Variants in ANK2 observed in about 807,000 individuals in gnomAD.
The protein encoded by ANK2 is ankyrin 2, also known as ankyrin-2.
Under a neutral mutation model 360.5 loss-of-function variants are expected in ANK2, and 83 were observed. The observed-to-expected ratio is 0.23, with a 90% confidence interval of 0.19 to 0.28. The LOEUF is 0.28. Among genes scored for constraint, ANK2 ranks in the 10% least tolerant of loss-of-function variants. The pLI is 1.00. For synonymous variants in ANK2, 1,740 were observed against 1,759.5 expected (o/e 0.99, Z 0.28); for missense variants, 4,201 against 4,795.7 (o/e 0.88, Z 3.66).
Position 113,354,083 on chromosome 4 carries a change from C to G in ANK2, c.5465C>G (p.Ser1822Cys). Residue 1822 changes from serine (S) to cysteine (C), a missense_variant, in exon 38 of 46, where the codon TCT becomes TGT. Ser to Cys is a moderately radical substitution (Grantham distance 112). This residue lies in a region of ANK2 where 2,642 missense variants were observed against 2,714.5 expected (regional missense o/e 0.97). Transcript: ENST00000357077. ...SLKSERHAPG[S>C]PSPKTERHST... Reference sequence around the variant, plus strand: ...AAGTCAGAGAGACATGCGCCAGGGTCTCCCTCCCCTAAAACAGAAAGACAC... The same window carrying G: ...AAGTCAGAGAGACATGCGCCAGGGTGTCCCTCCCCTAAAACAGAAAGACAC... 1.9e-6 allele frequency: 3 copies of G among 1,614,048 alleles called. No homozygotes were observed. The highest frequency in any genetic ancestry group is 8.5e-7 in the Non-Finnish European group (1 of 1,179,994).
At chr4:113,012,262 C>A (rs778654069) in intron 2 of ANK2, among the ~76,000 whole-genome samples, 1 of 152,134 alleles carries the variant, frequency 6.6e-6, no homozygotes, top group African/African-American at 2.4e-5. Context: ...ATTACAGAAC[C>A]ATGGGCCATG....
Position 113,355,873 on chromosome 4 carries a change from G to A in ANK2, c.7255G>A (p.Glu2419Lys), listed in dbSNP as rs752704424. The change falls in exon 38 of 46, where the codon GAA becomes AAA. Residue 2419 changes from glutamate to lysine, a missense_variant. Physicochemically the swap from Glu to Lys is moderately conservative, Grantham distance 56 (BLOSUM62 1). Transcript: ENST00000357077. ...LELALPSRDS[E>K]VLSAVADDSL... ...ACTTGCACTCCCTAGCCGAGATAGC[G>A]AAGTCCTCAGCGCTGTGGCTGATGA... 7.4e-6 allele frequency: 12 copies of A among 1,614,078 alleles called. No individual in the cohort carries two copies. Among genetic ancestry groups the A allele is most frequent in the South Asian group, 6.6e-5 (6 of 91,072 alleles).
chr4:113,132,665 A>G (rs891680973), intron 1 of ANK2, among the ~76,000 whole-genome samples: 10 of 152,154 alleles, frequency 6.6e-5, no homozygotes, highest in Non-Finnish European at 1.5e-4. Flanking sequence ...GAACTGATCT[A>G]GAGTAGATCA....
At chr4:112,767,965 A>C in the ANK2 span, among the ~76,000 whole-genome samples, 1 of 152,272 alleles carries the variant, frequency 6.6e-6, no homozygotes, top group Middle Eastern at 3.4e-3. Context: ...GAGGAAGAAG[A>C]GAGTATGGCT....
In ANK2 at chr4:113,356,237, C is replaced by G; in HGVS notation, c.7619C>G (p.Thr2540Ser). 6.2e-7 allele frequency: 1 copy of G among 1,613,924 alleles called. No individual in the cohort carries two copies. Among genetic ancestry groups the G allele is most frequent in the Non-Finnish European group, 8.5e-7 (1 of 1,179,958 alleles). ...SSGKSPLSPD[T>S]PSSEEVSYEV... ...GGGAAGAGCCCCCTTTCTCCTGACA[C>G]CCCCAGCTCTGAAGAAGTCAGCTAT... Residue 2540 changes from threonine to serine, a missense_variant, in exon 38 of 46, where the codon ACC becomes AGC. Physicochemically the swap from Thr to Ser is moderately conservative, Grantham distance 58. Transcript: ENST00000357077.
intron 4 of ANK2, among the ~76,000 whole-genome samples, chr4:113,203,853 A>G (rs2098897668): frequency 6.6e-6 from 1 of 152,154 alleles, no homozygotes. Context: ...ACAGACCTCA[A>G]AGAATAATTT....
chr4:112,749,433 C>T, the ANK2 span, among the ~76,000 whole-genome samples: 2 of 152,150 alleles, frequency 1.3e-5, no homozygotes, highest in Non-Finnish European at 2.9e-5. Context: ...ATATTAATGG[C>T]AATCACTTGT....
chr4:112,833,543 C>G (rs1298717317), intron 1 of ANK2, among the ~76,000 whole-genome samples: 4 of 148,242 alleles, frequency 2.7e-5, no homozygotes, highest in Middle Eastern at 3.3e-3. Flanking sequence ...TCGCTCTGTC[C>G]CCCAGGCTGG....
chr4:113,340,530 C>T (rs1196618159), intron 32 of ANK2, among the ~76,000 whole-genome samples: 6 of 151,904 alleles, frequency 3.9e-5, no homozygotes, highest in Non-Finnish European at 1.5e-5. Flanking sequence ...CTGTCTCTCA[C>T]AAAAAAGATA....
intron 2 of ANK2, among the ~76,000 whole-genome samples, chr4:112,950,730 A>G (rs1404727491): frequency 6.6e-6 from 1 of 151,912 alleles, no homozygotes; most frequent in Non-Finnish European, 1.5e-5. Flanking sequence ...TCATTCTTGG[A>G]GGTAAAAATT....
chr4:113,200,141 A>G (rs1166963817), intron 4 of ANK2, among the ~76,000 whole-genome samples: 1 of 152,092 alleles, frequency 6.6e-6, no homozygotes, highest in Non-Finnish European at 1.5e-5. Flanking sequence ...TTTTTTCCTT[A>G]CAACTCAAAC....
chr4:113,333,270 C>A (rs1563833509), intron 29 of ANK2, 62 bp downstream of exon 29: 6 of 1,590,688 alleles, frequency 3.8e-6, no homozygotes, highest in African/African-American at 1.4e-5. Flanking sequence ...TGATTCATTT[C>A]TTTCTTATGA....
chr4:112,756,479 G>T, the ANK2 span, among the ~76,000 whole-genome samples: 1 of 152,176 alleles, frequency 6.6e-6, no homozygotes, highest in Admixed American at 6.5e-5. Flanking sequence ...TTTATTAGTG[G>T]TGGGATTGTG....
At chr4:113,275,203 T>G (rs183521905) in intron 15 of ANK2, among the ~76,000 whole-genome samples, 21 of 152,350 alleles carry the variant, frequency 1.4e-4, no homozygotes, top group African/African-American at 4.8e-4. Flanking sequence ...GAGCTGAAGC[T>G]GGAAAATCAC....
intron 2 of ANK2, among the ~76,000 whole-genome samples, chr4:112,986,070 CCA>C (rs1491487341): frequency 1.6e-4 from 16 of 100,002 alleles, no homozygotes; most frequent in Non-Finnish European, 2.7e-4. Context: ...AAATTATGAT[CCA>C]TATATATATA....
At chr4:112,738,894 C>G in the ANK2 span, 2 of 680,134 alleles carry the variant, frequency 2.9e-6, no homozygotes, top group Non-Finnish European at 5.3e-6. Context: ...AACAAAAAAA[C>G]AAAAAACAAA....
chr4:113,098,497 T>C (rs971339479), intron 1 of ANK2, among the ~76,000 whole-genome samples: 1 of 151,894 alleles, frequency 6.6e-6, no homozygotes, highest in East Asian at 1.9e-4. Flanking sequence ...CAAAAAGAAA[T>C]AGGTGATCTG....
In ANK2 at chr4:113,149,874, C is replaced by CAAAAAAAAAAAAAAAAAAAAAAA. The variant is rs34667216; in HGVS notation, c.85-24538_85-24516dup. Among the ~76,000 whole-genome samples the CAAAAAAAAAAAAAAAAAAAAAAA allele has an allele frequency of 3.8e-4, 12 of 31,406 alleles. 1 individual carries two copies. The highest frequency in any genetic ancestry group is 4.1e-3 in the East Asian group (2 of 492). The allele number at this position is 31,406 out of a possible 152,430, so 20.6% of individuals were successfully genotyped here. A position where few individuals can be genotyped will look rare whatever the true frequency, so the allele number is the denominator to read the frequency against. On this transcript the variant is annotated intron_variant, in intron 1 of 45. Transcript: ENST00000357077. ...CTTGCGTGAGAGTGAGACCCTGCCT[C>CAAAAAAAAAAAAAAAAAAAAAAA]AAAAAAAAAAAAAAAAAAAAAAAAA... is the stretch of plus-strand genomic sequence containing the variant.
At chr4:113,274,307 AT>A in intron 14 of ANK2, 144 bp from the exon 15 acceptor site, 1 of 909,052 alleles carries the variant, frequency 1.1e-6, no homozygotes, top group South Asian at 1.4e-5. Context: ...AATATAAAAT[AT>A]GCCATGGTTA....
Sources: allele counts gnomAD v4.1 joint callset (sites outside exome capture counted in the v4.1 genomes callset), GRCh38; gene constraint gnomAD v4.1.1; regional missense constraint gnomAD v4.1.1; transcripts MANE v1.5; gene names NCBI Gene and HGNC (gene_info 2026-07-23, HGNC 2026-07-21).